ATP9B: variants seen among roughly 807,000 people sequenced by gnomAD.
ATP9B encodes probable phospholipid-transporting ATPase IIB.
ATP9B carries 110 observed loss-of-function variants against 146.1 expected under a neutral mutation model. The ratio of observed to expected loss-of-function variants is 0.75; its 90% CI spans 0.65 to 0.88. The LOEUF (loss-of-function observed/expected upper bound fraction) is 0.88. Ranked by LOEUF, ATP9B falls within the 40% of genes least tolerant of loss-of-function variation. ATP9B has a pLI of 0.00. For synonymous variants in ATP9B, 604 were observed against 569.7 expected (o/e 1.06, Z -0.86); for missense variants, 1,499 against 1,496.4 (o/e 1.00, Z -0.03).
intron 20 of ATP9B, among the ~76,000 whole-genome samples, chr18:79,342,663 T>G (rs2096865877): frequency 6.6e-6 from 1 of 152,086 alleles, no homozygotes; most frequent in Non-Finnish European, 1.5e-5. Context: ...ACATTAATCA[T>G]GATCAAAGCT....
chr18:79,268,053 G>T (rs1426457082), intron 12 of ATP9B, among the ~76,000 whole-genome samples: 1 of 152,006 alleles, frequency 6.6e-6, no homozygotes, highest in Non-Finnish European at 1.5e-5. Flanking sequence ...TTAAATTGTT[G>T]TCTATATTCC....
chr18:79,338,098 G>A (rs2096837710), intron 19 of ATP9B, among the ~76,000 whole-genome samples: 1 of 152,192 alleles, frequency 6.6e-6, no homozygotes, highest in South Asian at 2.1e-4. Flanking sequence ...CATGCTTCAG[G>A]GCATGTTAGA....
chr18:79,342,799 A>T (rs188508287), intron 20 of ATP9B, among the ~76,000 whole-genome samples: 22 of 152,280 alleles, frequency 1.4e-4, no homozygotes, highest in South Asian at 6.2e-4. Context: ...TATATTGATT[A>T]AAAAAATTAC....
intron 1 of ATP9B, chr18:79,087,406 G>A (rs1387790021): frequency 6.6e-6 from 1 of 152,224 alleles, no homozygotes; most frequent in African/African-American, 2.4e-5. Context: ...ATTAGTTTAT[G>A]CAGCTTGCTG....
At chr18:79,086,781 A>C (rs1483129927) in intron 1 of ATP9B, among the ~76,000 whole-genome samples, 3 of 152,202 alleles carry the variant, frequency 2.0e-5, no homozygotes, top group African/African-American at 7.2e-5. Context: ...ATTAGCTCCA[A>C]GGTTATTGTA....
Position 79,164,720 on chromosome 18 carries a change from A to AAAAAT in ATP9B, c.778+10181_778+10185dup, listed in dbSNP as rs1190775740. On this transcript the variant is annotated intron_variant, in intron 7 of 29. Transcript: ENST00000426216. ...GGTGACAGAGCGAGACTCCATCTCA[A>AAAAAT]AAAATAAAATAAAATAAAATTGGTG... Among the ~76,000 whole-genome samples, 80 of 152,302 alleles carry AAAAAT rather than the reference A, an allele frequency of 5.3e-4. 1 individual carries two copies. The highest frequency in any genetic ancestry group is 1.7e-3 in the African/African-American group (70 of 41,542).
intron 13 of ATP9B, among the ~76,000 whole-genome samples, chr18:79,300,393 G>A (rs990379761): frequency 6.6e-6 from 1 of 152,190 alleles, no homozygotes; most frequent in Non-Finnish European, 1.5e-5. Flanking sequence ...GGCTGAGTGG[G>A]AGGTCTTTCC....
intron 8 of ATP9B, among the ~76,000 whole-genome samples, chr18:79,190,520 A>G (rs1169135144): frequency 7.4e-6 from 1 of 134,752 alleles, no homozygotes; most frequent in East Asian, 2.7e-4. Context: ...ATACACACAC[A>G]CACACACACA....
At chr18:79,354,116 T>G (rs2096936919) in intron 25 of ATP9B, 1 of 152,162 alleles carries the variant, frequency 6.6e-6, no homozygotes. Context: ...GGAATCTCAG[T>G]CATATTAAAA....
At chr18:79,087,719 C>T (rs938762008) in intron 1 of ATP9B, 1 of 152,070 alleles carries the variant, frequency 6.6e-6, no homozygotes, top group African/African-American at 2.4e-5. Context: ...TACTTAGTAA[C>T]TTTTACTTAG....
intron 1 of ATP9B, among the ~76,000 whole-genome samples, chr18:79,071,088 A>T (rs1599278604): frequency 3.5e-5 from 3 of 84,994 alleles, no homozygotes; most frequent in African/African-American, 5.3e-5. Flanking sequence ...GGTTACTTGG[A>T]CACTTTTTTG....
intron 10 of ATP9B, among the ~76,000 whole-genome samples, chr18:79,209,913 G>A (rs1472344602): frequency 6.6e-6 from 1 of 152,158 alleles, no homozygotes; most frequent in African/African-American, 2.4e-5. Flanking sequence ...AGGCACTCTT[G>A]TATTCTTTGT....
intron 8 of ATP9B, among the ~76,000 whole-genome samples, chr18:79,192,708 A>T (rs1003708466): frequency 6.6e-6 from 1 of 152,226 alleles, no homozygotes; most frequent in African/African-American, 2.4e-5. Context: ...GCATGTCTTC[A>T]TGGCTGTAAG....
chr18:79,185,478 T>C (rs2095299058), intron 8 of ATP9B, among the ~76,000 whole-genome samples: 1 of 152,224 alleles, frequency 6.6e-6, no homozygotes, highest in Non-Finnish European at 1.5e-5. Flanking sequence ...CAGAGTCTGA[T>C]TAAGGATTTT....
chr18:79,290,978 A>G (rs936583287), intron 13 of ATP9B, among the ~76,000 whole-genome samples: 5 of 152,156 alleles, frequency 3.3e-5, no homozygotes, highest in Non-Finnish European at 5.9e-5. Flanking sequence ...CCAATTCACA[A>G]TTCAGGAATA....
chr18:79,069,988 C>T (rs372114961), intron 1 of ATP9B, among the ~76,000 whole-genome samples: 2 of 152,286 alleles, frequency 1.3e-5, no homozygotes, highest in South Asian at 2.1e-4. Context: ...ATTTCGATAT[C>T]TTTGCTAGGC....
intron 9 of ATP9B, among the ~76,000 whole-genome samples, chr18:79,200,727 G>GTCGGGGTCAGAGCAGAGGTGGAGGTGGGA: frequency 0.015 from 691 of 45,306 alleles, 23 homozygotes; most frequent in Admixed American, 0.034. Context: ...TGGAGGTGGG[G>GTCGGGGTCAGAGCAGAGGTGGAGGTGGGA]ACTGTCGGGG....
At chr18:79,314,420 G>T (rs963372995) in intron 15 of ATP9B, among the ~76,000 whole-genome samples, 2 of 152,168 alleles carry the variant, frequency 1.3e-5, no homozygotes, top group Admixed American at 6.5e-5. Context: ...GTGCATAGAT[G>T]AATCTGTATT....
chr18:79,313,464 A>G (rs1253863675), intron 15 of ATP9B, among the ~76,000 whole-genome samples: 2 of 152,216 alleles, frequency 1.3e-5, no homozygotes, highest in African/African-American at 4.8e-5. Context: ...CAAAAATGTC[A>G]TGTGATTATG....
Sources: allele counts gnomAD v4.1 joint callset (sites outside exome capture counted in the v4.1 genomes callset), GRCh38; gene constraint gnomAD v4.1.1; transcripts MANE v1.5; gene names NCBI Gene and HGNC (gene_info 2026-07-23, HGNC 2026-07-21).